UCK2: variants seen among roughly 807,000 people sequenced by gnomAD.
The protein encoded by UCK2 is cytidine monophosphokinase 2.
A neutral mutation model predicts 30.8 loss-of-function variants in UCK2; 6 were observed. The observed-to-expected ratio is 0.19, with a 90% confidence interval of 0.11 to 0.38. The LOEUF (loss-of-function observed/expected upper bound fraction) is 0.38. Among genes scored for constraint, UCK2 ranks in the 10% least tolerant of loss-of-function variants. The probability of loss-of-function intolerance (pLI) is 1.00; values close to 1 mark genes in which losing one functional copy is unlikely to be tolerated. For missense variants in UCK2, 210 were observed against 339.8 expected (o/e 0.62, Z 3.00); for synonymous variants, 125 against 133.6 (o/e 0.94, Z 0.45).
chr1:165,832,794 G>C (rs1330125858), intron 1 of UCK2, among the ~76,000 whole-genome samples: 1 of 151,910 alleles, frequency 6.6e-6, no homozygotes, highest in Non-Finnish European at 1.5e-5. Flanking sequence ...GGGTTTCACT[G>C]TGTTGGCCAG....
intron 1 of UCK2, among the ~76,000 whole-genome samples, chr1:165,841,109 G>GTATATATATATATATA (rs1427958973): frequency 1.7e-4 from 8 of 46,534 alleles, no homozygotes; most frequent in African/African-American, 3.7e-4. Flanking sequence ...GTGTGTGTGT[G>GTATATATATATATATA]TGTATATATA....
chr1:165,831,208 G>A (rs1654037891), intron 1 of UCK2, among the ~76,000 whole-genome samples: 1 of 152,050 alleles, frequency 6.6e-6, no homozygotes, highest in Admixed American at 6.5e-5. Flanking sequence ...AAACCAGCCT[G>A]GGCAACAGAG....
At chr1:165,863,574 A>G (rs1462923700) in intron 1 of UCK2, among the ~76,000 whole-genome samples, 1 of 152,232 alleles carries the variant, frequency 6.6e-6, no homozygotes, top group Admixed American at 6.5e-5. Context: ...TGTGTTTGTA[A>G]GTTGGGGACT....
In UCK2 at chr1:165,890,286, A is replaced by G; in HGVS notation, c.182A>G (p.Gln61Arg). The change falls in exon 2 of 7, where the codon CAG becomes CGG. Residue 61 changes from glutamine to arginine, a missense_variant. This residue lies in a region of UCK2 where 75 missense variants were observed against 124.7 expected (regional missense o/e 0.60). Transcript: ENST00000367879. ...CAGAAGCAGGTGGTCATCCTGAGCC[A>G]GGATAGCTTCTACCGTGTCCTTACC... ...YRQKQVVILS[Q>R]DSFYRVLTSE... 1 of 1,614,194 alleles carries G rather than the reference A, an allele frequency of 6.2e-7. No homozygotes were observed. The highest frequency in any genetic ancestry group is 8.5e-7 in the Non-Finnish European group (1 of 1,180,034).
At chr1:165,868,771 T>C (rs939419841) in intron 1 of UCK2, among the ~76,000 whole-genome samples, 13 of 152,252 alleles carry the variant, frequency 8.5e-5, no homozygotes, top group African/African-American at 3.1e-4. Flanking sequence ...TGTTTTGCTT[T>C]CTTATCATTC....
At chr1:165,848,559 C>A (rs531128236) in intron 1 of UCK2, among the ~76,000 whole-genome samples, 1 of 151,770 alleles carries the variant, frequency 6.6e-6, no homozygotes, top group African/African-American at 2.4e-5. Context: ...TTGAACCCAC[C>A]GAGGCGGAGG....
At chr1:165,850,255 C>T (rs1453012720) in intron 1 of UCK2, among the ~76,000 whole-genome samples, 3 of 151,846 alleles carry the variant, frequency 2.0e-5, no homozygotes, top group Non-Finnish European at 4.4e-5. Context: ...CTCAGCCTCC[C>T]GAGAAGCTGG....
chr1:165,857,012 G>A (rs574272289), intron 1 of UCK2, among the ~76,000 whole-genome samples: 2 of 151,800 alleles, frequency 1.3e-5, no homozygotes, highest in African/African-American at 4.8e-5. Context: ...GTTTTTAGGG[G>A]CTTGGGAAAG....
intron 1 of UCK2, among the ~76,000 whole-genome samples, chr1:165,851,107 T>A (rs565307834): frequency 1.3e-5 from 2 of 152,176 alleles, no homozygotes; most frequent in East Asian, 3.9e-4. Context: ...AGGGTGAATC[T>A]TGGGAAGGCA....
chr1:165,852,609 T>C (rs374762749), intron 1 of UCK2, among the ~76,000 whole-genome samples: 2 of 152,324 alleles, frequency 1.3e-5, no homozygotes, highest in African/African-American at 4.8e-5. Flanking sequence ...GCTTATACAC[T>C]GTTGGTAGGA....
chr1:165,893,560 A>G (rs759768717), intron 3 of UCK2, among the ~76,000 whole-genome samples: 4 of 152,204 alleles, frequency 2.6e-5, no homozygotes, highest in Admixed American at 6.5e-5. Context: ...ACTTGTTGCA[A>G]TTACATTTCT....
At chr1:165,862,921 C>T (rs1323331449) in intron 1 of UCK2, among the ~76,000 whole-genome samples, 1 of 152,118 alleles carries the variant, frequency 6.6e-6, no homozygotes, top group African/African-American at 2.4e-5. Context: ...TAGGACTTCC[C>T]TGTGTAGAAA....
chr1:165,902,211 G>A (rs1557850346), intron 4 of UCK2, among the ~76,000 whole-genome samples: 1 of 152,018 alleles, frequency 6.6e-6, no homozygotes, highest in Non-Finnish European at 1.5e-5. Flanking sequence ...ACTCCAGCCT[G>A]GGTGACAGAG....
At chr1:165,869,529 T>TG in intron 1 of UCK2, among the ~76,000 whole-genome samples, 1 of 152,068 alleles carries the variant, frequency 6.6e-6, no homozygotes, top group African/African-American at 2.4e-5. Context: ...CTATACAAGT[T>TG]CACATTCCTG....
chr1:165,886,725 C>T (rs767933211), intron 1 of UCK2, among the ~76,000 whole-genome samples: 8 of 152,140 alleles, frequency 5.3e-5, no homozygotes, highest in Non-Finnish European at 7.4e-5. Context: ...GTTAAGTAAG[C>T]GAAAGAGCAT....
At chr1:165,879,655 ATG>A (rs1655433067) in intron 1 of UCK2, among the ~76,000 whole-genome samples, 1 of 151,802 alleles carries the variant, frequency 6.6e-6, no homozygotes, top group Non-Finnish European at 1.5e-5. Context: ...AACGTGGTCT[ATG>A]TGGCTTTGGG....
intron 1 of UCK2, among the ~76,000 whole-genome samples, chr1:165,858,238 G>A (rs1654802552): frequency 6.6e-6 from 1 of 152,150 alleles, no homozygotes; most frequent in African/African-American, 2.4e-5. Flanking sequence ...TCTGTCATAG[G>A]GGAGAGAGTA....
In UCK2 at chr1:165,907,700, C is replaced by T. The variant is rs747058297; in HGVS notation, c.663C>T (p.Ile221=). The T allele has an allele frequency of 1.4e-5, 23 of 1,614,152 alleles. No individual in the cohort carries two copies. The highest frequency in any genetic ancestry group is 3.3e-5 in the Admixed American group (2 of 60,022). Residue 221 remains isoleucine, a synonymous_variant, in exon 7 of 7, where the codon ATC becomes ATT. Coordinates refer to ENST00000367879, the MANE Select transcript of UCK2 (RefSeq NM_012474.5). Reference sequence around the variant, plus strand: ...GCCCCACAGTGGCCATCAACCTCATCGTGCAGCACATCCAGGACATCCTGA... The same window carrying T: ...GCCCCACAGTGGCCATCAACCTCATTGTGCAGCACATCCAGGACATCCTGA... The part of the protein sequence containing the change: ...GADNLVAINL[I]VQHIQDILNG...
At chr1:165,892,034 GGTT>G (rs1655782547) in intron 3 of UCK2, 1 of 151,296 alleles carries the variant, frequency 6.6e-6, no homozygotes, top group Non-Finnish European at 1.5e-5. Flanking sequence ...GTGACGATTT[GGTT>G]GCAGGAGGAA....
Sources: gnomAD v4.1 joint callset for allele counts (sites outside exome capture counted in the v4.1 genomes callset) on GRCh38, gnomAD v4.1.1 for gene constraint, gnomAD v4.1.1 regional missense constraint, MANE v1.5 for transcripts, NCBI Gene and HGNC (gene_info 2026-07-23, HGNC 2026-07-21) for gene names.